Variants in MACROD2 observed in about 807,000 individuals in gnomAD.
MACROD2 encodes ADP-ribose glycohydrolase MACROD2.
Under a neutral mutation model 70.4 loss-of-function variants are expected in MACROD2, and 36 were observed. That is an observed-to-expected ratio of 0.51 (90% confidence interval 0.39 to 0.68). The LOEUF is 0.68. Among genes scored for constraint, MACROD2 ranks in the 30% least tolerant of loss-of-function variants. The pLI is 0.00. For synonymous variants in MACROD2, 172 were observed against 178.8 expected (o/e 0.96, Z 0.30); for missense variants, 496 against 538.4 (o/e 0.92, Z 0.78).
chr20:15,322,719 T>A (rs2077885707), intron 6 of MACROD2, among the ~76,000 whole-genome samples: 1 of 144,532 alleles, frequency 6.9e-6, no homozygotes, highest in East Asian at 2.0e-4. Flanking sequence ...CCTGAATTTG[T>A]CTTCTATTTA....
At chr20:14,640,345 T>C (rs6042833) in intron 4 of MACROD2, among the ~76,000 whole-genome samples, 28,688 of 152,224 alleles carry the variant, frequency 0.19, 5,654 homozygotes, top group African/African-American at 0.49. Flanking sequence ...GAAACTACTT[T>C]GCTTTTTTCC....
intron 5 of MACROD2, among the ~76,000 whole-genome samples, chr20:15,030,717 A>G (rs926487742): frequency 5.3e-5 from 8 of 151,680 alleles, no homozygotes; most frequent in African/African-American, 2.0e-4. Context: ...GATTCCAGAT[A>G]ATGCAAATTC....
chr20:15,693,885 G>T (rs1486491088), intron 8 of MACROD2, among the ~76,000 whole-genome samples: 2 of 145,188 alleles, frequency 1.4e-5, no homozygotes, highest in Non-Finnish European at 3.0e-5. Flanking sequence ...TTCCCCCCGA[G>T]TCCCCAAAGT....
chr20:15,072,630 C>G (rs2075627407), intron 5 of MACROD2, among the ~76,000 whole-genome samples: 1 of 152,108 alleles, frequency 6.6e-6, no homozygotes, highest in Non-Finnish European at 1.5e-5. Flanking sequence ...CAATTACTTC[C>G]AGTCTAGCAG....
intron 3 of MACROD2, among the ~76,000 whole-genome samples, chr20:14,155,566 T>G (rs573893975): frequency 6.6e-6 from 1 of 152,318 alleles, no homozygotes; most frequent in Admixed American, 6.5e-5. Context: ...AGCTTTCACC[T>G]AATTCAACTT....
intron 6 of MACROD2, among the ~76,000 whole-genome samples, chr20:15,327,498 C>A (rs1323355214): frequency 6.6e-6 from 1 of 152,108 alleles, no homozygotes; most frequent in Non-Finnish European, 1.5e-5. Context: ...GCAAACACGT[C>A]CTTCTTCATA....
chr20:15,650,214 T>C (rs139358698), intron 8 of MACROD2, among the ~76,000 whole-genome samples: 304 of 152,314 alleles, frequency 2.0e-3, no homozygotes, highest in Non-Finnish European at 3.0e-3. Context: ...CCAGCTTTAA[T>C]GGAATCCAAA....
chr20:14,683,970 G>A (rs998300296), intron 4 of MACROD2, among the ~76,000 whole-genome samples: 1 of 151,698 alleles, frequency 6.6e-6, no homozygotes, highest in Non-Finnish European at 1.5e-5. Flanking sequence ...TTCTACCTGT[G>A]CACTCACACA....
chr20:14,177,819 A>T (rs1057026723), intron 3 of MACROD2, among the ~76,000 whole-genome samples: 3 of 152,336 alleles, frequency 2.0e-5, no homozygotes, highest in African/African-American at 7.2e-5. Context: ...TTGGAAAAAG[A>T]TATTTTATAC....
intron 5 of MACROD2, among the ~76,000 whole-genome samples, chr20:14,941,560 C>T (rs2074389827): frequency 6.6e-6 from 1 of 152,126 alleles, no homozygotes; most frequent in Admixed American, 6.5e-5. Context: ...GTCCAATTCT[C>T]TTACTGTCAT....
At chr20:14,849,824 C>G (rs562812516) in intron 5 of MACROD2, 12 of 359,470 alleles carry the variant, frequency 3.3e-5, no homozygotes, top group Non-Finnish European at 4.9e-5. Context: ...ATCTAAAGAG[C>G]AAGAGCAGAC....
intron 3 of MACROD2, among the ~76,000 whole-genome samples, chr20:14,432,031 T>C (rs553152251): frequency 3.2e-4 from 49 of 152,306 alleles, no homozygotes; most frequent in Non-Finnish European, 6.2e-4. Context: ...TCTCAATTCC[T>C]CTTTTTAAAA....
At chr20:15,870,229 G>C (rs927837243) in intron 9 of MACROD2, among the ~76,000 whole-genome samples, 2 of 87,536 alleles carry the variant, frequency 2.3e-5, no homozygotes, top group African/African-American at 6.1e-5. Flanking sequence ...GCTTTAGTTG[G>C]GTTTTATATT....
intron 5 of MACROD2, among the ~76,000 whole-genome samples, chr20:14,856,134 C>T (rs2073253452): frequency 6.6e-6 from 1 of 152,122 alleles, no homozygotes; most frequent in Admixed American, 6.5e-5. Flanking sequence ...TTCCTGCCCC[C>T]TCTATGTACA....
chr20:14,336,387 T>C (rs528930515), intron 3 of MACROD2, among the ~76,000 whole-genome samples: 4 of 152,230 alleles, frequency 2.6e-5, no homozygotes, highest in Non-Finnish European at 4.4e-5. Context: ...CCCCCAGATG[T>C]TGAGAAGACA....
intron 12 of MACROD2, among the ~76,000 whole-genome samples, chr20:15,942,269 T>C (rs906126980): frequency 6.6e-6 from 1 of 152,162 alleles, no homozygotes; most frequent in South Asian, 2.1e-4. Flanking sequence ...TGATGACACC[T>C]GTTCCCAATG....
intron 9 of MACROD2, among the ~76,000 whole-genome samples, chr20:15,871,487 T>C (rs2147181876): frequency 6.6e-6 from 1 of 152,320 alleles, no homozygotes; most frequent in South Asian, 2.1e-4. Context: ...ACATTGAAGG[T>C]ACTGTTCTTG....
At chr20:15,814,179 T>A (rs143379217) in intron 8 of MACROD2, among the ~76,000 whole-genome samples, 8 of 152,298 alleles carry the variant, frequency 5.3e-5, no homozygotes, top group African/African-American at 1.9e-4. Context: ...CCTGTTCACA[T>A]TGGACCTTAA....
chr20:15,931,723 C>T lies in MACROD2; in HGVS notation c.776-1553C>T, dbSNP rs189654439. Among the ~76,000 whole-genome samples the T allele has an allele frequency of 6.6e-3, 998 of 151,686 alleles. 18 individuals carry two copies. Among genetic ancestry groups the T allele is most frequent in the African/African-American group, 0.023 (953 of 41,206 alleles). ...CTAACCCAACACAGGGGGTCCTGTA[C>T]GTATATTTATTAACTGCATTCTTCG... is the stretch of plus-strand genomic sequence containing the variant. On this transcript the variant is annotated intron_variant, in intron 10 of 17. Transcript: ENST00000684519.
Sources: allele counts gnomAD v4.1 joint callset (sites outside exome capture counted in the v4.1 genomes callset), GRCh38; gene constraint gnomAD v4.1.1; transcripts MANE v1.5; gene names NCBI Gene and HGNC (gene_info 2026-07-23, HGNC 2026-07-21).